ARHGEF33: variants seen among roughly 807,000 people sequenced by gnomAD.
ARHGEF33 encodes Rho guanine nucleotide exchange factor 33, also known as DH and coiled-coil domain-containing protein ENSP00000381780.
A neutral mutation model predicts 101.9 loss-of-function variants in ARHGEF33; 72 were observed. That is an observed-to-expected ratio of 0.71 (90% CI 0.58 to 0.86). The LOEUF is 0.86. Ranked by LOEUF, ARHGEF33 falls within the 40% of genes least tolerant of loss-of-function variation. ARHGEF33 has a pLI of 0.00. For synonymous variants in ARHGEF33, 499 were observed against 442.5 expected (o/e 1.13, Z -1.60); for missense variants, 1,169 against 1,111.3 (o/e 1.05, Z -0.74).
intron 4 of ARHGEF33, among the ~76,000 whole-genome samples, chr2:38,922,883 G>A (rs1324340626): frequency 6.6e-6 from 1 of 152,086 alleles, no homozygotes; most frequent in African/African-American, 2.4e-5. Context: ...GTGGGCAGGG[G>A]GACTAGCTTG....
Position 38,953,256 on chromosome 2 carries a change from G to A in ARHGEF33, c.1137+11G>A, listed in dbSNP as rs969581374. 28 of 1,443,488 alleles carry A rather than the reference G, an allele frequency of 1.9e-5. No individual in the cohort carries two copies. In the Admixed American group the frequency reaches 2.2e-4, roughly 11 times the overall value. 89.4% of individuals were successfully genotyped at this position (1,443,488 alleles called of 1,614,324 possible). A position where few individuals can be genotyped will look rare whatever the true frequency, so the allele number is the denominator to read the frequency against. On this transcript the variant is annotated intron_variant, in intron 12 of 17. Coordinates refer to ENST00000409978, the MANE Select transcript of ARHGEF33 (RefSeq NM_001145451.5). ...GTAGTCCTGAAAGAGGTGAGTTAAC[G>A]CCATATATATGCTATCCTTCATCTG... is the stretch of plus-strand genomic sequence containing the variant.
At position 38,954,352 on chromosome 2, in the gene ARHGEF33, CTT is replaced by C. The variant is rs1467508326; in HGVS notation, c.1138-20_1138-19del. On this transcript the variant is annotated intron_variant, in intron 12 of 17. Coordinates refer to ENST00000409978, the MANE Select transcript of ARHGEF33 (RefSeq NM_001145451.5). The stretch of plus-strand genomic sequence containing the variant: ...CAGCTGGAGGAACACTGAAGAGTAA[CTT>C]GACCTTTCTTTCATTCAGGGTGATG... 6.8e-7 allele frequency: 1 copy of C among 1,465,854 alleles called. No individual in the cohort carries two copies. The highest frequency in any genetic ancestry group is 1.4e-5 in the African/African-American group (1 of 71,532). 90.8% of individuals were successfully genotyped at this position (1,465,854 alleles called of 1,614,324 possible).
chr2:38,929,918 G>A (rs1415064250), intron 6 of ARHGEF33, 88 bp downstream of exon 6: 1 of 1,223,628 alleles, frequency 8.2e-7, no homozygotes, highest in Non-Finnish European at 1.1e-6. Flanking sequence ...CACTATCAGT[G>A]TATAGCTAGC....
chr2:38,931,733 C>T (rs72799412), intron 7 of ARHGEF33, among the ~76,000 whole-genome samples: 242 of 152,216 alleles, frequency 1.6e-3, no homozygotes, highest in Middle Eastern at 3.4e-3. Context: ...AACTGGCTTT[C>T]CAGTGGAAGT....
chr2:38,947,970 C>T (rs572898823), intron 10 of ARHGEF33, among the ~76,000 whole-genome samples: 1 of 152,102 alleles, frequency 6.6e-6, no homozygotes, highest in Non-Finnish European at 1.5e-5. Flanking sequence ...CTGGATTTTT[C>T]TTTCTTGCTT....
intron 16 of ARHGEF33, among the ~76,000 whole-genome samples, chr2:38,962,684 G>A (rs138699066): frequency 1.3e-5 from 2 of 152,022 alleles, no homozygotes; most frequent in Admixed American, 6.6e-5. Flanking sequence ...ACTTATTTCT[G>A]TTTCTAGACA....
intron 10 of ARHGEF33, among the ~76,000 whole-genome samples, chr2:38,947,413 CTCTG>C (rs1213338384): frequency 1.3e-5 from 2 of 152,194 alleles, no homozygotes; most frequent in Non-Finnish European, 2.9e-5. Flanking sequence ...GAGACAAGGT[CTCTG>C]TCTGTCGCCC....
At chr2:38,971,783 C>T in intron 17 of ARHGEF33, 1 of 716,874 alleles carries the variant, frequency 1.4e-6, no homozygotes, top group Non-Finnish European at 2.6e-6. Flanking sequence ...AGGGAAGGTA[C>T]AATTTGTGAG....
intron 2 of ARHGEF33, among the ~76,000 whole-genome samples, chr2:38,913,322 A>G (rs1467947656): frequency 6.6e-6 from 1 of 152,210 alleles, no homozygotes. Context: ...ACTTTTTTAA[A>G]AGATCAAATG....
intron 16 of ARHGEF33, among the ~76,000 whole-genome samples, chr2:38,964,144 T>C (rs111635930): frequency 0.048 from 7,317 of 152,184 alleles, 436 homozygotes; most frequent in African/African-American, 0.14. Context: ...TTTTGGTTGC[T>C]GTCACTGCAG....
intron 4 of ARHGEF33, among the ~76,000 whole-genome samples, chr2:38,925,904 A>G (rs1166953052): frequency 1.3e-5 from 2 of 152,140 alleles, no homozygotes; most frequent in African/African-American, 4.8e-5. Context: ...TGTCCATAAA[A>G]CACAAGTTGA....
chr2:38,899,064 C>A (rs555662097), intron 2 of ARHGEF33, among the ~76,000 whole-genome samples: 12 of 151,712 alleles, frequency 7.9e-5, no homozygotes, highest in Non-Finnish European at 1.5e-4. Context: ...GCTATTAATA[C>A]GAATAAATAA....
intron 2 of ARHGEF33, among the ~76,000 whole-genome samples, chr2:38,915,671 C>T (rs76901654): frequency 6.6e-6 from 1 of 152,102 alleles, no homozygotes; most frequent in Non-Finnish European, 1.5e-5. Flanking sequence ...CATGCCTGGC[C>T]TCTAATGTAG....
intron 15 of ARHGEF33, among the ~76,000 whole-genome samples, chr2:38,958,459 C>T (rs1667830596): frequency 6.6e-6 from 1 of 152,210 alleles, no homozygotes; most frequent in South Asian, 2.1e-4. Context: ...TACAAAACTT[C>T]ATCTTCTTTG....
chr2:38,965,992 T>C lies in ARHGEF33; in HGVS notation c.2344-14T>C, dbSNP rs962799641. 9.7e-6 allele frequency: 15 copies of C among 1,549,810 alleles called. No homozygotes were observed. The highest frequency in any genetic ancestry group is 1.0e-5 in the Non-Finnish European group (12 of 1,146,214). On this transcript the variant is annotated splice_polypyrimidine_tract_variant and intron_variant, in intron 16 of 17. Transcript: ENST00000409978. ...GAAGGAGTAAAGAAAAAAATCCCTC[T>C]TTTTTGTTTCCAGGAGATGCATTTA...
chr2:38,971,711 C>A (rs1668170209), intron 17 of ARHGEF33, among the ~76,000 whole-genome samples: 1 of 152,054 alleles, frequency 6.6e-6, no homozygotes, highest in Admixed American at 6.5e-5. Context: ...AAAGGATGAG[C>A]AATTTAGCTG....
At chr2:38,971,037 G>A (rs1399999635) in intron 17 of ARHGEF33, among the ~76,000 whole-genome samples, 5 of 152,152 alleles carry the variant, frequency 3.3e-5, no homozygotes, top group Non-Finnish European at 7.3e-5. Context: ...CTGACTGACT[G>A]GCCAACAGGA....
At chr2:38,927,738 G>A (rs1666906157) in intron 4 of ARHGEF33, among the ~76,000 whole-genome samples, 1 of 152,072 alleles carries the variant, frequency 6.6e-6, no homozygotes, top group Admixed American at 6.6e-5. Context: ...CTTGATTATA[G>A]GATAAATCTT....
chr2:38,916,523 A>C (rs551571800), intron 2 of ARHGEF33, among the ~76,000 whole-genome samples: 122 of 152,354 alleles, frequency 8.0e-4, no homozygotes, highest in African/African-American at 2.8e-3. Flanking sequence ...TTGTATCAGC[A>C]ATGAAAAAAG....
Sources: gnomAD v4.1 joint callset for allele counts (sites outside exome capture counted in the v4.1 genomes callset) on GRCh38, gnomAD v4.1.1 for gene constraint, MANE v1.5 for transcripts, NCBI Gene and HGNC (gene_info 2026-07-23, HGNC 2026-07-21) for gene names.